The following RELN variants were observed in gnomAD, a reference collection of about 807,000 sequenced individuals.
RELN encodes reelin.
Under a neutral mutation model 427.6 loss-of-function variants are expected in RELN, and 108 were observed. That is an observed-to-expected ratio of 0.25 (90% confidence interval 0.22 to 0.30). RELN has a LOEUF of 0.30. Ranked by LOEUF, RELN falls within the 10% of genes least tolerant of loss-of-function variation. The pLI is 1.00. For missense variants in RELN, 3,715 were observed against 4,302.8 expected, an observed-to-expected ratio of 0.86 and a Z score of 3.82; for synonymous variants, 1,524 against 1,513.4, an observed-to-expected ratio of 1.01 and a Z score of -0.16.
chr7:103,744,738 A>T (rs956322848), intron 6 of RELN, among the ~76,000 whole-genome samples: 25 of 152,232 alleles, frequency 1.6e-4, no homozygotes, highest in Non-Finnish European at 2.5e-4. Context: ...CTCTGAATAG[A>T]CCAATAACAG....
chr7:103,599,168 A>C lies in RELN; in HGVS notation c.3334-2507T>G, dbSNP rs568794943. Among the ~76,000 whole-genome samples the C allele has an allele frequency of 8.5e-5, 13 of 152,378 alleles. No individual in the cohort carries two copies. In the East Asian group the frequency reaches 2.5e-3, roughly 29 times the overall value. ...CCATTAAAGTCTTTCTAAATTAATC[A>C]AAATGTCACTAGAAAGCAATTCTAT... On this transcript the variant is annotated intron_variant, in intron 24 of 64. Coordinates refer to ENST00000428762, the MANE Select transcript of RELN (RefSeq NM_005045.4).
At chr7:103,644,407 C>CTT (rs199766997) in intron 16 of RELN, among the ~76,000 whole-genome samples, 10 of 134,772 alleles carry the variant, frequency 7.4e-5, no homozygotes, top group African/African-American at 2.2e-4. Context: ...ATAAGTATGT[C>CTT]TTTTTTTTTT....
intron 3 of RELN, among the ~76,000 whole-genome samples, chr7:103,800,802 A>C (rs1792443809): frequency 6.6e-6 from 1 of 152,204 alleles, no homozygotes; most frequent in South Asian, 2.1e-4. Flanking sequence ...CAACCTACAG[A>C]ATGGGAGAAA....
intron 4 of RELN, among the ~76,000 whole-genome samples, chr7:103,757,012 G>A (rs749050311): frequency 6.6e-5 from 10 of 152,184 alleles, no homozygotes; most frequent in South Asian, 2.1e-4. Context: ...TTCTAAGCCC[G>A]TAGGAAGTTC....
In RELN at chr7:103,812,922, A is replaced by G. The variant is rs1020605808; in HGVS notation, c.473+20615T>C. 4.6e-5 allele frequency among the ~76,000 whole-genome samples: 7 copies of G among 152,260 alleles called. 1 individual carries two copies. Among genetic ancestry groups the G allele is most frequent in the African/African-American group, 1.7e-4 (7 of 41,548 alleles). On this transcript the variant is annotated intron_variant, in intron 3 of 64. Transcript: ENST00000428762. ...ATGTTTAAAATTGCTCCCTCTCTAGACACATTTGCTTGAATATTTAAGCTC... is the reference window on the plus strand; with the variant it reads ...ATGTTTAAAATTGCTCCCTCTCTAGGCACATTTGCTTGAATATTTAAGCTC...
chr7:103,980,836 T>G (rs1336113816), intron 1 of RELN, among the ~76,000 whole-genome samples: 3 of 152,174 alleles, frequency 2.0e-5, no homozygotes, highest in Non-Finnish European at 4.4e-5. Flanking sequence ...GTGCTTGAAA[T>G]TGGAGTGTAA....
Position 103,651,806 on chromosome 7 carries a change from A to T in RELN, c.1764-17T>A, listed in dbSNP as rs373485943. On this transcript the variant is annotated splice_polypyrimidine_tract_variant and intron_variant, in intron 14 of 64. Coordinates refer to ENST00000428762, the MANE Select transcript of RELN (RefSeq NM_005045.4). Reference sequence around the variant, plus strand: ...AAGCTGACACTAATAAAACCAGAACAAGCACACACAAAAGGTGGGGAGGGT... The same window carrying T: ...AAGCTGACACTAATAAAACCAGAACTAGCACACACAAAAGGTGGGGAGGGT... 1.2e-6 allele frequency: 2 copies of T among 1,610,182 alleles called. No homozygotes were observed. The highest frequency in any genetic ancestry group is 1.7e-6 in the Non-Finnish European group (2 of 1,177,604).
At chr7:103,731,549 T>A (rs2115954121) in intron 6 of RELN, among the ~76,000 whole-genome samples, 1 of 152,258 alleles carries the variant, frequency 6.6e-6, no homozygotes, top group Admixed American at 6.5e-5. Flanking sequence ...ATTAAATTAC[T>A]GTCCAAGGTT....
chr7:103,860,861 T>A (rs901358229), intron 2 of RELN, among the ~76,000 whole-genome samples: 2 of 152,212 alleles, frequency 1.3e-5, no homozygotes, highest in African/African-American at 4.8e-5. Flanking sequence ...AACATAACTT[T>A]GCTATGAAAA....
rs144536971 is a variant in RELN, at chr7:103,970,646, T to C, written c.226+18485A>G. Among the ~76,000 whole-genome samples, 520 of 152,234 alleles carry C rather than the reference T, an allele frequency of 3.4e-3. 4 individuals are homozygous for C. Among genetic ancestry groups the C allele is most frequent in the African/African-American group, 0.012 (493 of 41,538 alleles). On this transcript the variant is annotated intron_variant, in intron 1 of 64. Coordinates refer to ENST00000428762, the MANE Select transcript of RELN (RefSeq NM_005045.4). ...AAGTTACATTGCCTTTGGTCATGAG[T>C]TCAACGTTAATGAACCAACAACATA...
intron 3 of RELN, among the ~76,000 whole-genome samples, chr7:103,791,687 A>C (rs560767772): frequency 6.6e-6 from 1 of 152,272 alleles, no homozygotes; most frequent in Admixed American, 6.5e-5. Flanking sequence ...CAGTTTCTTA[A>C]ATATAACATG....
intron 3 of RELN, among the ~76,000 whole-genome samples, chr7:103,828,632 G>A (rs1793200389): frequency 6.6e-6 from 1 of 151,848 alleles, no homozygotes; most frequent in Non-Finnish European, 1.5e-5. Flanking sequence ...AATTTTGCCT[G>A]TAATTCACAC....
chr7:103,556,471 G>A (rs1344624766), intron 38 of RELN, among the ~76,000 whole-genome samples: 1 of 151,844 alleles, frequency 6.6e-6, no homozygotes, highest in Non-Finnish European at 1.5e-5. Context: ...TATTTATTGA[G>A]ACTTGTTGAT....
intron 1 of RELN, among the ~76,000 whole-genome samples, chr7:103,948,687 T>G (rs1450382648): frequency 1.3e-5 from 2 of 151,974 alleles, no homozygotes; most frequent in Non-Finnish European, 1.5e-5. Flanking sequence ...ATAATAAATT[T>G]GGGCATTTCA....
intron 45 of RELN, among the ~76,000 whole-genome samples, chr7:103,536,697 T>G (rs1830059832): frequency 6.6e-6 from 1 of 152,216 alleles, no homozygotes; most frequent in African/African-American, 2.4e-5. Context: ...GGGACATCAT[T>G]CTGAGTCTCC....
intron 58 of RELN, 128 bp from the exon 59 acceptor site, chr7:103,490,957 CATTT>C: frequency 1.2e-6 from 1 of 823,400 alleles, no homozygotes; most frequent in Non-Finnish European, 1.9e-6. Context: ...TTTCTATAAA[CATTT>C]ATAATTACAG....
At chr7:103,641,652 C>A (rs370463171) in intron 16 of RELN, among the ~76,000 whole-genome samples, 1 of 152,100 alleles carries the variant, frequency 6.6e-6, no homozygotes, top group African/African-American at 2.4e-5. Context: ...TAATAATACT[C>A]CTTGGAGGAA....
intron 4 of RELN, among the ~76,000 whole-genome samples, chr7:103,757,426 G>A (rs1247044775): frequency 1.3e-5 from 2 of 152,054 alleles, no homozygotes; most frequent in African/African-American, 4.8e-5. Context: ...GTCTCTCCCA[G>A]GATCCTAGAA....
chr7:103,744,059 C>T (rs1056742422), intron 6 of RELN, among the ~76,000 whole-genome samples: 6 of 152,134 alleles, frequency 3.9e-5, no homozygotes, highest in African/African-American at 9.7e-5. Context: ...TTATAATAAA[C>T]TGTCTCTCAG....
Sources: allele counts gnomAD v4.1 joint callset (sites outside exome capture counted in the v4.1 genomes callset), GRCh38; gene constraint gnomAD v4.1.1; transcripts MANE v1.5; gene names NCBI Gene and HGNC (gene_info 2026-07-23, HGNC 2026-07-21).